The following PAX6 variants were observed in gnomAD, a reference collection of about 807,000 sequenced individuals.
PAX6 encodes paired box protein Pax-6.
A neutral mutation model predicts 60.7 loss-of-function variants in PAX6; 7 were observed. That is an observed-to-expected ratio of 0.12 (90% CI 0.07 to 0.22). The LOEUF is 0.22. Among genes scored for constraint, PAX6 ranks in the 10% least tolerant of loss-of-function variants. The pLI, the probability that PAX6 is intolerant of heterozygous loss-of-function variation, is 1.00. For missense variants in PAX6, 355 were observed against 555.2 expected (o/e 0.64, Z 3.62); for synonymous variants, 208 against 201.2 (o/e 1.03, Z -0.29).
chr11:31,806,364 C>G (rs1015216843), intron 4 of PAX6, 38 bp downstream of exon 4: 1 of 1,598,780 alleles, frequency 6.3e-7, no homozygotes, highest in Admixed American at 1.7e-5. Context: ...GTCCGCGCAC[C>G]CCGAGCCCGA....
chr11:31,790,113 A>AC lies in PAX6; in HGVS notation c.1226-95_1226-94insG. On this transcript the variant is annotated intron_variant, in intron 13 of 13. Transcript: ENST00000640368. ...ATAGGTTTACAAAAAAAAAAAAAAA[A>AC]AAAAAAACTAATACTTTCTAACATT... 5 of 793,464 alleles carry AC rather than the reference A, an allele frequency of 6.3e-6. No individual in the cohort carries two copies. The African/African-American group carries it at 7.2e-5, about 11-fold the overall frequency. 49.2% of individuals were successfully genotyped at this position (793,464 alleles called of 1,614,324 possible).
At chr11:31,807,884 G>A (rs1316013255) in intron 2 of PAX6, 3 of 150,772 alleles carry the variant, frequency 2.0e-5, no homozygotes, top group African/African-American at 4.9e-5. Flanking sequence ...GCTCCCGTAC[G>A]AACACCTCCC....
intron 4 of PAX6, chr11:31,804,758 G>A (rs1421952699): frequency 6.6e-6 from 1 of 152,214 alleles, no homozygotes; most frequent in Non-Finnish European, 1.5e-5. Flanking sequence ...GCATAGCCAC[G>A]GCAATTCCCA....
upstream of PAX6, among the ~76,000 whole-genome samples, chr11:31,815,771 C>CAAA (rs5790868): frequency 8.0e-5 from 11 of 137,762 alleles, no homozygotes; most frequent in South Asian, 2.3e-4. Flanking sequence ...GCGCTATCTC[C>CAAA]AAAAAAAAAA....
upstream of PAX6, chr11:31,812,300 C>CTG (rs1202428562): frequency 0.073 from 7,988 of 109,838 alleles, 338 homozygotes; most frequent in African/African-American, 0.093. Context: ...CTCTCTCTCT[C>CTG]TCTGTGTGTG....
intron 12 of PAX6, chr11:31,791,074 C>T (rs1010002690): frequency 1.5e-6 from 1 of 660,526 alleles, no homozygotes; most frequent in Non-Finnish European, 2.8e-6. Flanking sequence ...ATGTATCAAG[C>T]CTCTAAAGCA....
At chr11:31,799,280 G>A (rs1952748393) in intron 8 of PAX6, among the ~76,000 whole-genome samples, 1 of 152,052 alleles carries the variant, frequency 6.6e-6, no homozygotes, top group Non-Finnish European at 1.5e-5. Context: ...GGCGGGTTCG[G>A]GGCCCGTGCG....
In PAX6 at chr11:31,790,809, G is replaced by A; in HGVS notation, c.1126C>T (p.Pro376Ser). The change falls in exon 13 of 14, where the codon CCT becomes TCT. Residue 376 changes from proline (P) to serine (S), a missense_variant. Transcript: ENST00000640368. ...TCATAACTCCGCCCATTCACCGAAGGGCTGGTGGGCAGCATGCAGGAGTAT... is the reference window on the plus strand; with the variant it reads ...TCATAACTCCGCCCATTCACCGAAGAGCTGGTGGGCAGCATGCAGGAGTAT... The part of the protein sequence containing the change: ...SSYSCMLPTS[P>S]SVNGRSYDTY... 6.2e-7 allele frequency: 1 copy of A among 1,614,080 alleles called. No homozygotes were observed. Among genetic ancestry groups the A allele is most frequent in the Non-Finnish European group, 8.5e-7 (1 of 1,180,010 alleles).
At chr11:31,803,038 T>C (rs532415050) in intron 4 of PAX6, 1 of 635,378 alleles carries the variant, frequency 1.6e-6, no homozygotes, top group South Asian at 1.8e-5. Flanking sequence ...ACCTCGGCGG[T>C]CAGTTCCCTG....
chr11:31,798,975 C>T (rs1952630136), intron 8 of PAX6, among the ~76,000 whole-genome samples: 1 of 152,236 alleles, frequency 6.6e-6, no homozygotes, highest in African/African-American at 2.4e-5. Context: ...CTGGGCTCAG[C>T]CCTCCCAGGC....
In PAX6 at chr11:31,793,662, G is replaced by A; in HGVS notation, c.948C>T (p.Pro316=). 6.2e-7 allele frequency: 1 copy of A among 1,614,200 alleles called. No individual in the cohort carries two copies. The highest frequency in any genetic ancestry group is 1.1e-5 in the South Asian group (1 of 91,076). The change falls in exon 11 of 14, where the codon CCC becomes CCT. Residue 316 remains proline, a synonymous_variant. Coordinates refer to ENST00000640368, the MANE Select transcript of PAX6 (RefSeq NM_001368894.2). Reference sequence around the variant, plus strand: ...AGTATTTCAAATTACCCGGTGTGGTGGGTTGTGGAATTGGTTGGTAGACAC... The same window carrying A: ...AGTATTTCAAATTACCCGGTGTGGTAGGTTGTGGAATTGGTTGGTAGACAC... ...STSVYQPIPQ[P]TTPVSSFTSG...
At chr11:31,794,458 A>T in intron 9 of PAX6, 172 bp downstream of exon 9, 1 of 588,936 alleles carries the variant, frequency 1.7e-6, no homozygotes. Context: ...ACACACACAC[A>T]CACACACACA....
chr11:31,802,071 C>A, intron 5 of PAX6, 159 bp from the exon 6 acceptor site: 1 of 679,716 alleles, frequency 1.5e-6, no homozygotes, highest in African/African-American at 1.8e-5. Context: ...AAAAAAAAAA[C>A]TTTTCTTAAA....
At chr11:31,795,507 G>A (rs963111694) in intron 8 of PAX6, among the ~76,000 whole-genome samples, 6 of 152,196 alleles carry the variant, frequency 3.9e-5, no homozygotes, top group Non-Finnish European at 8.8e-5. Context: ...TCTTTGTAAT[G>A]TGTTGCACCA....
At chr11:31,807,797 C>A (rs911049969) in intron 2 of PAX6, 2 of 152,344 alleles carry the variant, frequency 1.3e-5, no homozygotes, top group African/African-American at 4.8e-5. Flanking sequence ...GTACCAACAA[C>A]CCACCAACTC....
At chr11:31,814,295 A>G (rs1046045208), upstream of PAX6, 17 of 152,164 alleles carry the variant, frequency 1.1e-4, no homozygotes, top group Non-Finnish European at 1.9e-4. Context: ...GCTTCTAGCC[A>G]GTATTGATGC....
chr11:31,790,781 G>A lies in PAX6; in HGVS notation c.1154C>T (p.Thr385Ile), dbSNP rs780842357. The A allele has an allele frequency of 1.2e-6, 2 of 1,614,060 alleles. No homozygotes were observed. Among genetic ancestry groups the A allele is most frequent in the Non-Finnish European group, 1.7e-6 (2 of 1,180,004 alleles). The stretch of plus-strand genomic sequence containing the variant: ...TGTCTGCATATGTGGGGGGGTGTAG[G>A]TATCATAACTCCGCCCATTCACCGA... ...SPSVNGRSYD[T>I]YTPPHMQTHM... The change falls in exon 13 of 14, where the codon ACC becomes ATC. Residue 385 changes from threonine to isoleucine, a missense_variant. Physicochemically the swap from Thr to Ile is moderately conservative, Grantham distance 89. Transcript: ENST00000640368.
At chr11:31,802,060 T>TA (rs35589851) in intron 5 of PAX6, 148 bp from the exon 6 acceptor site, 6,610 of 624,948 alleles carry the variant, frequency 0.011, no homozygotes, top group South Asian at 0.013. Context: ...AAGCTTTTTT[T>TA]AAAAAAAAAA....
chr11:31,798,100 C>T (rs1010439410), intron 8 of PAX6, among the ~76,000 whole-genome samples: 5 of 150,510 alleles, frequency 3.3e-5, no homozygotes, highest in East Asian at 4.0e-4. Context: ...GATAGCAACC[C>T]GGTTGCGGCA....
Sources: allele counts gnomAD v4.1 joint callset (sites outside exome capture counted in the v4.1 genomes callset), GRCh38; gene constraint gnomAD v4.1.1; transcripts MANE v1.5; gene names NCBI Gene and HGNC (gene_info 2026-07-23, HGNC 2026-07-21).